The following GFOD2 variants were observed in gnomAD, a reference collection of about 807,000 sequenced individuals.
GFOD2 encodes glucose-fructose oxidoreductase domain-containing protein 2.
Under a neutral mutation model 24.6 loss-of-function variants are expected in GFOD2, and 9 were observed. The ratio of observed to expected loss-of-function variants is 0.37; its 90% CI spans 0.22 to 0.64. GFOD2 has a LOEUF of 0.64. Among genes scored for constraint, GFOD2 ranks in the 30% least tolerant of loss-of-function variants. GFOD2 has a pLI of 0.65. For synonymous variants in GFOD2, 211 were observed against 224.8 expected (o/e 0.94, Z 0.55); for missense variants, 476 against 532.5 (o/e 0.89, Z 1.04).
At chr16:67,694,505 G>A (rs2053343011) in intron 1 of GFOD2, among the ~76,000 whole-genome samples, 1 of 151,774 alleles carries the variant, frequency 6.6e-6, no homozygotes, top group Admixed American at 6.6e-5. Context: ...TTACTATGTT[G>A]CCCAGGCTGG....
At chr16:67,678,416 C>T (rs1486345034) in intron 2 of GFOD2, among the ~76,000 whole-genome samples, 5 of 144,592 alleles carry the variant, frequency 3.5e-5, no homozygotes, top group African/African-American at 1.3e-4. Flanking sequence ...GTGGAGGTTG[C>T]GGTGAGCCAA....
rs936411514 is a variant in GFOD2 at position 67,699,187 on chromosome 16, A to C, written c.-87-13385T>G. Among the ~76,000 whole-genome samples, 190 of 152,038 alleles carry C rather than the reference A, an allele frequency of 1.2e-3. 1 individual carries two copies. The highest frequency in any genetic ancestry group is 4.3e-3 in the African/African-American group (180 of 41,486). On this transcript the variant is annotated intron_variant, in intron 1 of 2. Coordinates refer to ENST00000268797, the MANE Select transcript of GFOD2 (RefSeq NM_030819.4). Reference sequence around the variant, plus strand: ...GAAACCCCGTCTCTACTAAAAATACAAAAAATTAGCCAGACGTGATGGTGG... The same window carrying C: ...GAAACCCCGTCTCTACTAAAAATACCAAAAATTAGCCAGACGTGATGGTGG...
chr16:67,710,770 AT>A (rs1378966397), intron 1 of GFOD2, among the ~76,000 whole-genome samples: 1 of 152,142 alleles, frequency 6.6e-6, no homozygotes, highest in Non-Finnish European at 1.5e-5. Flanking sequence ...AAACACTGAC[AT>A]TGTGAGTCAT....
chr16:67,717,181 C>G (rs928975922), intron 1 of GFOD2, among the ~76,000 whole-genome samples: 1 of 152,214 alleles, frequency 6.6e-6, no homozygotes, highest in Non-Finnish European at 1.5e-5. Flanking sequence ...CAGGCATGAG[C>G]TACTGCGCCC....
intron 1 of GFOD2, among the ~76,000 whole-genome samples, chr16:67,688,506 G>A (rs993378434): frequency 2.0e-5 from 3 of 152,002 alleles, no homozygotes; most frequent in East Asian, 1.9e-4. Flanking sequence ...GATCAATGTC[G>A]TGGGAAAACC....
At chr16:67,701,630 G>A (rs1216411925) in intron 1 of GFOD2, among the ~76,000 whole-genome samples, 1 of 152,150 alleles carries the variant, frequency 6.6e-6, no homozygotes, top group Non-Finnish European at 1.5e-5. Context: ...GGGGCACAGG[G>A]GAATTTTTGT....
chr16:67,683,644 C>T (rs1567654722), intron 2 of GFOD2: 6 of 1,231,770 alleles, frequency 4.9e-6, no homozygotes, highest in Non-Finnish European at 6.1e-6. Context: ...ACCGGACAGA[C>T]TGAAGTTCTT....
chr16:67,719,282 G>A lies in GFOD2; in HGVS notation c.-207C>T, dbSNP rs1410687217. The A allele has an allele frequency of 6.6e-6, 1 of 152,394 alleles. No homozygotes were observed. Among genetic ancestry groups the A allele is most frequent in the South Asian group, 2.1e-4 (1 of 4,832 alleles). 9.4% of individuals were successfully genotyped at this position (152,394 alleles called of 1,614,324 possible). On this transcript the variant is annotated 5_prime_UTR_variant, in exon 1 of 3. Transcript: ENST00000268797. ...GGGGATGCGCGGGCCCGGGAGTCCA[G>A]GGCGCCGCCACCGGGAACGCGCCGC... is the stretch of plus-strand genomic sequence containing the variant.
intron 1 of GFOD2, among the ~76,000 whole-genome samples, chr16:67,715,591 C>T (rs926881373): frequency 2.0e-5 from 3 of 152,186 alleles, no homozygotes; most frequent in African/African-American, 4.8e-5. Context: ...CTTTTTAAAA[C>T]ACCTGCCATT....
At chr16:67,688,654 C>G (rs1246420957) in intron 1 of GFOD2, among the ~76,000 whole-genome samples, 1 of 151,954 alleles carries the variant, frequency 6.6e-6, no homozygotes, top group Non-Finnish European at 1.5e-5. Context: ...TGATGTGGGC[C>G]ACATCACCGT....
chr16:67,707,312 C>A (rs1230568520), intron 1 of GFOD2, among the ~76,000 whole-genome samples: 1 of 150,078 alleles, frequency 6.7e-6, no homozygotes, highest in Non-Finnish European at 1.5e-5. Context: ...GAGTGAAGAT[C>A]GCGCCATTGC....
At position 67,708,295 on chromosome 16, in the gene GFOD2, CAAAA is replaced by C. The variant is rs1489807505; in HGVS notation, c.-88+10864_-88+10867del. ...GAAGTCTCTTTCCTTTAAAACAAAA[CAAAA>C]AAACCTGTAAGCTTACTTTTGGGGA... On this transcript the variant is annotated intron_variant, in intron 1 of 2. Transcript: ENST00000268797. Among the ~76,000 whole-genome samples, 3 of 152,176 alleles carry C rather than the reference CAAAA, an allele frequency of 2.0e-5. No homozygotes were observed. In the South Asian group the frequency reaches 6.2e-4, roughly 32 times the overall value.
chr16:67,678,158 A>G (rs2053196471), intron 2 of GFOD2, among the ~76,000 whole-genome samples: 1 of 152,198 alleles, frequency 6.6e-6, no homozygotes, highest in South Asian at 2.1e-4. Context: ...TCTTGCAACA[A>G]AAACTAAGAA....
At chr16:67,693,220 C>T (rs956021028) in intron 1 of GFOD2, among the ~76,000 whole-genome samples, 2 of 152,090 alleles carry the variant, frequency 1.3e-5, no homozygotes, top group Non-Finnish European at 2.9e-5. Context: ...CATATTTAGC[C>T]AGGACCACTT....
At chr16:67,688,425 T>A (rs118008021) in intron 1 of GFOD2, among the ~76,000 whole-genome samples, 4,524 of 152,304 alleles carry the variant, frequency 0.03, 101 homozygotes, top group Middle Eastern at 0.16. Context: ...TCTTATTCAT[T>A]GTAGAGTTTT....
At chr16:67,707,696 AT>A (rs1021105149) in intron 1 of GFOD2, among the ~76,000 whole-genome samples, 53 of 152,168 alleles carry the variant, frequency 3.5e-4, no homozygotes, top group African/African-American at 8.4e-4. Flanking sequence ...CTATTAATGA[AT>A]TTTTTTCTTT....
At position 67,674,845 on chromosome 16, in the gene GFOD2, G is replaced by A. The variant is rs975882277; in HGVS notation, c.*310C>T. The A allele has an allele frequency of 3.8e-5, 13 of 342,810 alleles. No homozygotes were observed. The highest frequency in any genetic ancestry group is 5.7e-5 in the South Asian group (1 of 17,410). The allele number at this position is 342,810 out of a possible 1,614,324, so 21.2% of individuals were successfully genotyped here. On this transcript the variant is annotated 3_prime_UTR_variant, in exon 3 of 3. Transcript: ENST00000268797. ...TGCTTTCTCACCCTGTTAGGACTGC[G>A]GATCAGGCTGAAGGGCTCCCCAGGG...
chr16:67,703,525 A>G (rs902730600), intron 1 of GFOD2, among the ~76,000 whole-genome samples: 1 of 152,202 alleles, frequency 6.6e-6, no homozygotes, highest in Non-Finnish European at 1.5e-5. Context: ...GAATGTCTGG[A>G]AATGTTCTTT....
intron 1 of GFOD2, among the ~76,000 whole-genome samples, chr16:67,687,595 C>A (rs1227134705): frequency 7.1e-6 from 1 of 140,956 alleles, no homozygotes; most frequent in African/African-American, 2.7e-5. Flanking sequence ...GAGGTGAGAT[C>A]GCGCCAATGC....
Sources: allele counts gnomAD v4.1 joint callset (sites outside exome capture counted in the v4.1 genomes callset), GRCh38; gene constraint gnomAD v4.1.1; transcripts MANE v1.5; gene names NCBI Gene and HGNC (gene_info 2026-07-23, HGNC 2026-07-21).